DNAH6: variants seen among roughly 807,000 people sequenced by gnomAD.
DNAH6 encodes the protein dynein axonemal heavy chain 6.
A neutral mutation model predicts 491.4 loss-of-function variants in DNAH6; 340 were observed. The observed-to-expected ratio is 0.69, with a 90% CI of 0.63 to 0.76. The LOEUF (loss-of-function observed/expected upper bound fraction) is 0.76, where lower values mean the gene tolerates loss of function less well. DNAH6 is among the 30% of genes least tolerant of loss of function. The probability of loss-of-function intolerance (pLI) is 0.00; values close to 1 mark genes in which losing one functional copy is unlikely to be tolerated. For synonymous variants in DNAH6, 1,603 were observed against 1,686.1 expected, an observed-to-expected ratio of 0.95 and a Z score of 1.21; for missense variants, 4,443 against 4,972.2, an observed-to-expected ratio of 0.89 and a Z score of 3.20.
Position 84,762,572 on chromosome 2 carries a change from T to A in DNAH6, c.10513-183T>A, listed in dbSNP as rs73943394. The stretch of plus-strand genomic sequence containing the variant: ...GCTTGTGAGTCATGAGAACCATAGC[T>A]GTCCACAGATATTTGGTGAACAAAT... On this transcript the variant is annotated intron_variant, in intron 63 of 76. Transcript: ENST00000389394. Among the ~76,000 whole-genome samples, 5,674 of 152,220 alleles carry A rather than the reference T, an allele frequency of 0.037. 123 individuals are homozygous for A. The highest frequency in any genetic ancestry group is 0.095 in the Middle Eastern group (28 of 294).
chr2:84,471,431 G>A, the DNAH6 span, among the ~76,000 whole-genome samples: 1 of 151,884 alleles, frequency 6.6e-6, no homozygotes, highest in Non-Finnish European at 1.5e-5. Flanking sequence ...CCTAGGAGTT[G>A]CAGAAGGATG....
intron 42 of DNAH6, among the ~76,000 whole-genome samples, chr2:84,683,006 C>T (rs796637470): frequency 5.9e-5 from 9 of 152,300 alleles, no homozygotes; most frequent in African/African-American, 2.2e-4. Context: ...CTTGCCATTC[C>T]TGAAATCGGG....
intron 64 of DNAH6, among the ~76,000 whole-genome samples, chr2:84,768,525 G>A (rs546401091): frequency 2.0e-5 from 3 of 151,612 alleles, no homozygotes; most frequent in East Asian, 3.9e-4. Flanking sequence ...AGCATAAATA[G>A]CATTTCTGAA....
chr2:84,605,039 A>AGAAGATTT (rs1198283699), intron 19 of DNAH6, among the ~76,000 whole-genome samples: 4 of 152,194 alleles, frequency 2.6e-5, no homozygotes, highest in Non-Finnish European at 5.9e-5. Context: ...CTATCCAAGA[A>AGAAGATTT]GAAGATTTTA....
chr2:84,565,042 C>G (rs1681042492), intron 11 of DNAH6, among the ~76,000 whole-genome samples: 1 of 152,084 alleles, frequency 6.6e-6, no homozygotes, highest in East Asian at 1.9e-4. Flanking sequence ...ATAAAGTCTA[C>G]TTGTTTGTGG....
At chr2:84,702,269 C>T (rs1441922269) in intron 49 of DNAH6, among the ~76,000 whole-genome samples, 2 of 152,150 alleles carry the variant, frequency 1.3e-5, no homozygotes, top group Non-Finnish European at 2.9e-5. Context: ...CTGTATCTAC[C>T]TCTTGGATTG....
At chr2:84,488,583 C>T in the DNAH6 span, among the ~76,000 whole-genome samples, 4 of 152,118 alleles carry the variant, frequency 2.6e-5, no homozygotes, top group Non-Finnish European at 4.4e-5. Flanking sequence ...GTATACCACT[C>T]CAACCTCTAC....
intron 61 of DNAH6, among the ~76,000 whole-genome samples, chr2:84,731,719 AAGG>A (rs970396997): frequency 1.6e-4 from 25 of 152,318 alleles, no homozygotes; most frequent in African/African-American, 6.0e-4. Flanking sequence ...AAGCAATTGA[AAGG>A]AGGTTGATGG....
At chr2:84,554,418 C>T (rs1679822680) in intron 10 of DNAH6, among the ~76,000 whole-genome samples, 1 of 152,180 alleles carries the variant, frequency 6.6e-6, no homozygotes, top group African/African-American at 2.4e-5. Flanking sequence ...ATTCTGCCTA[C>T]TACATTTGCA....
intron 72 of DNAH6, among the ~76,000 whole-genome samples, chr2:84,809,801 G>T (rs1160539832): frequency 6.6e-6 from 1 of 152,106 alleles, no homozygotes; most frequent in African/African-American, 2.4e-5. Flanking sequence ...GTCCCCTTTT[G>T]CCAGCCAGTG....
intron 62 of DNAH6, among the ~76,000 whole-genome samples, chr2:84,743,790 C>G (rs1415538716): frequency 1.3e-5 from 2 of 152,178 alleles, no homozygotes; most frequent in Admixed American, 1.3e-4. Context: ...CCACTGCACT[C>G]TTGCCTGGGC....
chr2:84,615,846 C>A (rs954630832), intron 22 of DNAH6, among the ~76,000 whole-genome samples: 1 of 151,842 alleles, frequency 6.6e-6, no homozygotes, highest in Non-Finnish European at 1.5e-5. Flanking sequence ...ATTTGACTTT[C>A]AGCTTGGTCA....
intron 46 of DNAH6, among the ~76,000 whole-genome samples, chr2:84,696,738 A>T (rs1267879978): frequency 6.6e-6 from 1 of 152,124 alleles, no homozygotes; most frequent in Non-Finnish European, 1.5e-5. Context: ...ATAACTAAAA[A>T]GTTAACTGAA....
At chr2:84,720,443 T>C (rs1263670580) in intron 59 of DNAH6, among the ~76,000 whole-genome samples, 6 of 147,784 alleles carry the variant, frequency 4.1e-5, no homozygotes, top group African/African-American at 9.8e-5. Context: ...TACGCCCGGC[T>C]AATTTTTTGT....
At chr2:84,732,591 A>G (rs1699214321) in intron 61 of DNAH6, among the ~76,000 whole-genome samples, 1 of 152,226 alleles carries the variant, frequency 6.6e-6, no homozygotes, top group African/African-American at 2.4e-5. Flanking sequence ...ATATAGAGAC[A>G]GTAAGTAGTT....
At chr2:84,708,474 A>AG (rs1696690510) in intron 54 of DNAH6, among the ~76,000 whole-genome samples, 1 of 42,352 alleles carries the variant, frequency 2.4e-5, no homozygotes, top group Non-Finnish European at 4.1e-5. Flanking sequence ...AAAAGAGAGA[A>AG]AGGGGGGGGG....
chr2:84,815,673 T>C (rs1196877124), intron 75 of DNAH6, among the ~76,000 whole-genome samples, 188 bp from the exon 76 acceptor site: 1 of 152,188 alleles, frequency 6.6e-6, no homozygotes, highest in Non-Finnish European at 1.5e-5. Flanking sequence ...GGAAAAGTCA[T>C]CACATTATTA....
chr2:84,814,172 T>C (rs765894394), intron 75 of DNAH6, 50 bp downstream of exon 75: 1 of 1,525,972 alleles, frequency 6.6e-7, no homozygotes, highest in South Asian at 1.2e-5. Flanking sequence ...CCCACTGTCT[T>C]TGAAGATTTC....
chr2:84,641,011 A>G (rs982409013), intron 32 of DNAH6, among the ~76,000 whole-genome samples: 1 of 152,148 alleles, frequency 6.6e-6, no homozygotes, highest in African/African-American at 2.4e-5. Flanking sequence ...CATAATTCCA[A>G]TTCAGTTCAG....
Sources: gnomAD v4.1 joint callset for allele counts (sites outside exome capture counted in the v4.1 genomes callset) on GRCh38, gnomAD v4.1.1 for gene constraint, MANE v1.5 for transcripts, NCBI Gene and HGNC (gene_info 2026-07-23, HGNC 2026-07-21) for gene names.